Variants in OLFM3 observed in about 807,000 individuals in gnomAD.
OLFM3 encodes the protein olfactomedin 3.
Under a neutral mutation model 48.6 loss-of-function variants are expected in OLFM3, and 20 were observed. That is an observed-to-expected ratio of 0.41 (90% CI 0.29 to 0.60). The LOEUF (loss-of-function observed/expected upper bound fraction) is 0.60. Among genes scored for constraint, OLFM3 ranks in the 20% least tolerant of loss-of-function variants. OLFM3 has a pLI of 0.28. For synonymous variants in OLFM3, 222 were observed against 198.1 expected, an observed-to-expected ratio of 1.12 and a Z score of -1.01; for missense variants, 437 against 544.3, an observed-to-expected ratio of 0.80 and a Z score of 1.96.
At chr1:101,834,610 T>C (rs1330293552) in intron 2 of OLFM3, among the ~76,000 whole-genome samples, 1 of 152,184 alleles carries the variant, frequency 6.6e-6, no homozygotes, top group Non-Finnish European at 1.5e-5. Context: ...TTAACCTCCT[T>C]CAGGCCACTG....
chr1:101,841,478 G>C (rs1436273106), intron 1 of OLFM3, among the ~76,000 whole-genome samples: 1 of 152,166 alleles, frequency 6.6e-6, no homozygotes, highest in African/African-American at 2.4e-5. Context: ...CCATTCACCA[G>C]TAACCATAAA....
Position 101,803,238 on chromosome 1 carries a change from T to C in OLFM3, c.*1000A>G, listed in dbSNP as rs1291905041. The stretch of plus-strand genomic sequence containing the variant: ...AGGAATTTCATTATTGCAAGTTGTA[T>C]GTAAAATATAAATTAAATGCTAGTA... On this transcript the variant is annotated 3_prime_UTR_variant, in exon 6 of 6. Coordinates refer to ENST00000370103, the MANE Select transcript of OLFM3 (RefSeq NM_058170.4). The C allele has an allele frequency of 6.6e-6, 1 of 152,140 alleles. No individual in the cohort carries two copies. Among genetic ancestry groups the C allele is most frequent in the African/African-American group, 2.4e-5 (1 of 41,382 alleles). 9.4% of individuals were successfully genotyped at this position (152,140 alleles called of 1,614,324 possible).
At chr1:101,823,058 T>C (rs1430330746) in intron 4 of OLFM3, among the ~76,000 whole-genome samples, 3 of 152,022 alleles carry the variant, frequency 2.0e-5, no homozygotes, top group Non-Finnish European at 4.4e-5. Context: ...GTGTAGAAAT[T>C]ATTCCTATGA....
chr1:101,850,591 G>A (rs1458012875), intron 1 of OLFM3, among the ~76,000 whole-genome samples: 2 of 151,916 alleles, frequency 1.3e-5, no homozygotes, highest in African/African-American at 2.4e-5. Flanking sequence ...GGTAGATGTG[G>A]GAAGGTTTCT....
At chr1:101,835,180 G>A (rs967681009) in intron 2 of OLFM3, among the ~76,000 whole-genome samples, 3 of 152,140 alleles carry the variant, frequency 2.0e-5, no homozygotes, top group African/African-American at 7.2e-5. Flanking sequence ...TTGATTATCT[G>A]AAGGGAAATA....
In OLFM3 at chr1:101,804,608, A is replaced by AGC; in HGVS notation, c.1005_1006dup (p.Leu336ArgfsTer27). 1 of 1,612,580 alleles carries AGC rather than the reference A, an allele frequency of 6.2e-7. No homozygotes were observed. Among genetic ancestry groups the AGC allele is most frequent in the Non-Finnish European group, 8.5e-7 (1 of 1,179,160 alleles). The stretch of plus-strand genomic sequence containing the variant: ...CTGGTTAGTTGCATACACAGCCCAC[A>AGC]GCCCGATTTCATCAGCCATTAGGTC... On this transcript the variant is annotated frameshift_variant, in exon 6 of 6. Transcript: ENST00000370103. LOFTEE classifies it high-confidence loss of function. This position sits in a 1 kb window ranked among gnomAD's most constrained non-coding sequence, Gnocchi z 4.5.
intron 1 of OLFM3, among the ~76,000 whole-genome samples, chr1:101,853,419 G>C (rs1011966250): frequency 2.6e-5 from 4 of 151,878 alleles, no homozygotes; most frequent in South Asian, 2.1e-4. Flanking sequence ...GCTTTATATT[G>C]TCTTTTGCTG....
intron 1 of OLFM3, among the ~76,000 whole-genome samples, chr1:101,987,026 C>G (rs1322616504): frequency 1.3e-5 from 2 of 152,186 alleles, no homozygotes; most frequent in Admixed American, 6.5e-5. Flanking sequence ...GTGCTCACCT[C>G]CATGCTACAT....
chr1:101,942,310 G>A (rs1019081238), intron 1 of OLFM3, among the ~76,000 whole-genome samples: 3 of 152,170 alleles, frequency 2.0e-5, no homozygotes, highest in Admixed American at 2.0e-4. Context: ...GGCTGAAAGT[G>A]GAATATTGGG....
chr1:101,926,602 A>T (rs1043192291), intron 1 of OLFM3, among the ~76,000 whole-genome samples: 1 of 152,192 alleles, frequency 6.6e-6, no homozygotes, highest in African/African-American at 2.4e-5. Context: ...TAAGTGAAGT[A>T]AAGTATACAA....
intron 1 of OLFM3, among the ~76,000 whole-genome samples, chr1:101,992,829 G>A (rs987325749): frequency 2.6e-5 from 4 of 151,996 alleles, no homozygotes; most frequent in Non-Finnish European, 2.9e-5. Flanking sequence ...CATGCCTATA[G>A]GGCTTTAAAG....
chr1:101,830,090 G>C (rs184525559), intron 3 of OLFM3, among the ~76,000 whole-genome samples: 2 of 151,834 alleles, frequency 1.3e-5, no homozygotes, highest in African/African-American at 2.4e-5. Context: ...TGCCCACCTC[G>C]GCCTCCCAAA....
chr1:101,855,442 C>T (rs775730266), intron 1 of OLFM3, among the ~76,000 whole-genome samples: 4 of 152,040 alleles, frequency 2.6e-5, no homozygotes, highest in Non-Finnish European at 5.9e-5. Context: ...CACTGTGTCT[C>T]ATACACACAC....
chr1:101,804,918 GAGA>G lies in OLFM3; in HGVS notation c.700-6_700-4del. 6.3e-7 allele frequency: 1 copy of G among 1,593,782 alleles called. No homozygotes were observed. The highest frequency in any genetic ancestry group is 8.5e-7 in the Non-Finnish European group (1 of 1,171,636). ...GTATAACTGTCCATGTACCAGACCT[GAGA>G]AGAAGGAAAAAAATAAATGGAGTGA... On this transcript the variant is annotated splice_polypyrimidine_tract_variant and splice_region_variant and intron_variant, in intron 5 of 5. Transcript: ENST00000370103. The surrounding 1 kb of genome is among the most constrained non-coding windows in gnomAD (Gnocchi z 4.5).
chr1:101,841,427 T>C (rs1207673281), intron 1 of OLFM3, among the ~76,000 whole-genome samples: 1 of 152,232 alleles, frequency 6.6e-6, no homozygotes, highest in East Asian at 1.9e-4. Flanking sequence ...GAGCTTTTTA[T>C]GCTCATACTC....
At chr1:101,977,110 C>T (rs1027750635) in intron 1 of OLFM3, among the ~76,000 whole-genome samples, 2 of 152,002 alleles carry the variant, frequency 1.3e-5, no homozygotes, top group Non-Finnish European at 2.9e-5. Flanking sequence ...TGAGTCTTAC[C>T]AATTTTTCAA....
At chr1:101,833,661 A>AT (rs1415730614) in intron 2 of OLFM3, among the ~76,000 whole-genome samples, 1 of 152,146 alleles carries the variant, frequency 6.6e-6, no homozygotes, top group Non-Finnish European at 1.5e-5. Flanking sequence ...TATAAATAAG[A>AT]TATCTGGGGC....
intron 1 of OLFM3, among the ~76,000 whole-genome samples, chr1:101,924,299 T>G (rs1380887745): frequency 6.6e-6 from 1 of 152,202 alleles, no homozygotes; most frequent in East Asian, 1.9e-4. Context: ...AAGCTTACTA[T>G]CAAAACCAGA....
At chr1:101,984,117 G>A (rs1661170926) in intron 1 of OLFM3, among the ~76,000 whole-genome samples, 1 of 152,016 alleles carries the variant, frequency 6.6e-6, no homozygotes, top group Non-Finnish European at 1.5e-5. Flanking sequence ...CCACACACTT[G>A]TAATGCCAGC....
Sources: gnomAD v4.1 joint callset for allele counts (sites outside exome capture counted in the v4.1 genomes callset) on GRCh38, gnomAD v4.1.1 for gene constraint, Gnocchi (gnomAD v3.1) non-coding constraint, MANE v1.5 for transcripts, NCBI Gene and HGNC (gene_info 2026-07-23, HGNC 2026-07-21) for gene names.